PTPN21: variants seen among roughly 807,000 people sequenced by gnomAD.
PTPN21 encodes the protein tyrosine-protein phosphatase non-receptor type 21.
A neutral mutation model predicts 131.8 loss-of-function variants in PTPN21; 77 were observed. That is an observed-to-expected ratio of 0.58 (90% CI 0.49 to 0.71). PTPN21 has a LOEUF of 0.71. Among genes scored for constraint, PTPN21 ranks in the 30% least tolerant of loss-of-function variants. The probability of loss-of-function intolerance (pLI) is 0.00; values close to 1 mark genes in which losing one functional copy is unlikely to be tolerated. For synonymous variants in PTPN21, 715 were observed against 621.3 expected (o/e 1.15, Z -2.24); for missense variants, 1,552 against 1,527.1 (o/e 1.02, Z -0.27).
At chr14:88,532,601 A>G (rs1026163642) in intron 2 of PTPN21, among the ~76,000 whole-genome samples, 9 of 152,172 alleles carry the variant, frequency 5.9e-5, no homozygotes, top group Middle Eastern at 3.2e-3. Context: ...AATTTCTCCT[A>G]TCTCTTTTAT....
At chr14:88,498,564 A>G (rs568637266) in intron 8 of PTPN21, among the ~76,000 whole-genome samples, 1 of 152,344 alleles carries the variant, frequency 6.6e-6, no homozygotes, top group African/African-American at 2.4e-5. Context: ...AGGGACACTA[A>G]GATTAGTGAG....
chr14:88,548,831 T>C (rs2078819632), intron 2 of PTPN21, among the ~76,000 whole-genome samples: 1 of 152,202 alleles, frequency 6.6e-6, no homozygotes, highest in South Asian at 2.1e-4. Flanking sequence ...AGACATTATA[T>C]GGATACATGA....
chr14:88,538,600 CA>C (rs568303876), intron 2 of PTPN21, among the ~76,000 whole-genome samples: 13 of 152,248 alleles, frequency 8.5e-5, no homozygotes, highest in African/African-American at 2.9e-4. Flanking sequence ...TAAATGATAA[CA>C]AATATCTCCA....
chr14:88,479,895 G>A lies in PTPN21; in HGVS notation c.1536C>T (p.Phe512=), dbSNP rs1042233598. ...LPSPAAAHCP[F]SLSYSFHSPS... ...GGCTGTGGAAGCTGTAGCTCAGGCTGAACGGGCAGTGTGCGGCCGCTGGCG... is the reference window on the plus strand; with the variant it reads ...GGCTGTGGAAGCTGTAGCTCAGGCTAAACGGGCAGTGTGCGGCCGCTGGCG... Residue 512 remains phenylalanine (F), a synonymous_variant, in exon 13 of 19, where the codon TTC becomes TTT. Coordinates refer to ENST00000556564, the MANE Select transcript of PTPN21 (RefSeq NM_007039.4). The A allele has an allele frequency of 7.5e-6, 12 of 1,594,212 alleles. No individual in the cohort carries two copies. The highest frequency in any genetic ancestry group is 1.0e-5 in the Non-Finnish European group (12 of 1,174,600).
At chr14:88,489,586 G>A (rs1391914137) in intron 10 of PTPN21, among the ~76,000 whole-genome samples, 1 of 152,130 alleles carries the variant, frequency 6.6e-6, no homozygotes, top group African/African-American at 2.4e-5. Flanking sequence ...GGAGTCTGAG[G>A]TTACAGTGAG....
rs141630332 is a variant in PTPN21, at chr14:88,536,632, C to T, written c.180+13606G>A. On this transcript the variant is annotated intron_variant, in intron 2 of 18. Transcript: ENST00000556564. ...CTTTCCTAATCCCTAAGTCATTTCT[C>T]GTCTAATTATTTTAAGAGTCTTTTT... Among the ~76,000 whole-genome samples the T allele has an allele frequency of 2.9e-3, 449 of 152,278 alleles. 3 individuals are homozygous for T. The highest frequency in any genetic ancestry group is 0.01 in the African/African-American group (435 of 41,566).
chr14:88,528,460 T>C (rs556633663), intron 2 of PTPN21, among the ~76,000 whole-genome samples: 1 of 152,328 alleles, frequency 6.6e-6, no homozygotes, highest in East Asian at 1.9e-4. Flanking sequence ...TCATCACTGT[T>C]TGTGTATAGC....
intron 8 of PTPN21, 29 bp from the exon 9 acceptor site, chr14:88,497,319 A>G (rs935827736): frequency 1.3e-6 from 2 of 1,540,046 alleles, no homozygotes; most frequent in East Asian, 2.2e-5. Flanking sequence ...AGAACTGGCA[A>G]TGTGAGTGCC....
chr14:88,535,467 C>T (rs1351355157), intron 2 of PTPN21, among the ~76,000 whole-genome samples: 1 of 152,176 alleles, frequency 6.6e-6, no homozygotes, highest in Non-Finnish European at 1.5e-5. Flanking sequence ...CACTTGCCAG[C>T]TCTGGAATGT....
intron 12 of PTPN21, among the ~76,000 whole-genome samples, chr14:88,483,533 G>A (rs1211219649): frequency 2.0e-5 from 3 of 151,986 alleles, no homozygotes; most frequent in South Asian, 2.1e-4. Context: ...CACCAGGGCC[G>A]ACACAAACAA....
At chr14:88,535,052 T>C (rs750501439) in intron 2 of PTPN21, among the ~76,000 whole-genome samples, 1 of 152,142 alleles carries the variant, frequency 6.6e-6, no homozygotes, top group Non-Finnish European at 1.5e-5. Context: ...TATACAGGTG[T>C]ACCTTTTTAA....
rs116017869 is a variant in PTPN21 at position 88,537,828 on chromosome 14, G to A, written c.180+12410C>T. On this transcript the variant is annotated intron_variant, in intron 2 of 18. Transcript: ENST00000556564. ...AATGGTATAGCCTCCTACACATTTAGGGCATGTGATATAGCCTACTGCTGC... is the reference window on the plus strand; with the variant it reads ...AATGGTATAGCCTCCTACACATTTAAGGCATGTGATATAGCCTACTGCTGC... Among the ~76,000 whole-genome samples the A allele has an allele frequency of 5.3e-3, 809 of 152,248 alleles. 10 individuals are homozygous for A. The highest frequency in any genetic ancestry group is 0.019 in the African/African-American group (783 of 41,562).
rs1403281059 is a variant in PTPN21, at chr14:88,501,346, C to T, written c.610G>A (p.Glu204Lys). 1 of 1,614,094 alleles carries T rather than the reference C, an allele frequency of 6.2e-7. No homozygotes were observed. The highest frequency in any genetic ancestry group is 1.1e-5 in the South Asian group (1 of 91,078). The change falls in exon 7 of 19, where the codon GAA becomes AAA. Residue 204 changes from glutamate (E) to lysine (K), a missense_variant. Glu to Lys is a moderately conservative substitution (Grantham distance 56). This residue lies in a region of PTPN21 where 14 missense variants were observed against 43.5 expected (regional missense o/e 0.32). Coordinates refer to ENST00000556564, the MANE Select transcript of PTPN21 (RefSeq NM_007039.4). ...KYRGLTAPDA[E>K]MLYMQEVERM... is the part of the protein sequence containing the mutation. ...TCTACCTCCTGCATGTACAGCATTT[C>T]AGCATCAGGAGCTGTGAGCCCTCTG...
chr14:88,537,614 C>A (rs1036637633), intron 2 of PTPN21, among the ~76,000 whole-genome samples: 1 of 151,990 alleles, frequency 6.6e-6, no homozygotes, highest in African/African-American at 2.4e-5. Flanking sequence ...ATATATTATG[C>A]CAGATACTGA....
At position 88,490,405 on chromosome 14, in the gene PTPN21, T is replaced by A. The variant is rs183296649; in HGVS notation, c.933-4563A>T. ...TCTCCTCGGCTCCACCAGGGGTCCA[T>A]GTCCCCATACCCAGAGGTCCCACTG... is the stretch of plus-strand genomic sequence containing the variant. On this transcript the variant is annotated intron_variant, in intron 10 of 18. Transcript: ENST00000556564. Among the ~76,000 whole-genome samples the A allele has an allele frequency of 2.4e-3, 367 of 152,246 alleles. 1 individual carries two copies. Among genetic ancestry groups the A allele is most frequent in the Non-Finnish European group, 3.9e-3 (267 of 68,000 alleles).
At chr14:88,516,688 G>A (rs545129733) in intron 3 of PTPN21, among the ~76,000 whole-genome samples, 48 of 152,050 alleles carry the variant, frequency 3.2e-4, no homozygotes, top group Non-Finnish European at 5.3e-4. Context: ...TATAGCTAGA[G>A]GCAGAGAATT....
intron 2 of PTPN21, chr14:88,547,525 G>C (rs1004874012): frequency 8.5e-6 from 3 of 354,704 alleles, no homozygotes; most frequent in South Asian, 6.5e-5. Context: ...GTGGTGGAGT[G>C]TACCTGTAGT....
At chr14:88,489,086 T>G (rs1728919121) in intron 10 of PTPN21, among the ~76,000 whole-genome samples, 1 of 152,142 alleles carries the variant, frequency 6.6e-6, no homozygotes, top group Non-Finnish European at 1.5e-5. Context: ...TGTATGTGTC[T>G]AACAATCATG....
chr14:88,551,613 G>T (rs985188254), intron 1 of PTPN21: 2 of 152,450 alleles, frequency 1.3e-5, no homozygotes, highest in East Asian at 1.9e-4. Flanking sequence ...CCTACTGGCG[G>T]TGGAGAGGTT....
Sources: allele counts gnomAD v4.1 joint callset (sites outside exome capture counted in the v4.1 genomes callset), GRCh38; gene constraint gnomAD v4.1.1; regional missense constraint gnomAD v4.1.1; transcripts MANE v1.5; gene names NCBI Gene and HGNC (gene_info 2026-07-23, HGNC 2026-07-21).